The following FKBP5 variants were observed in gnomAD, a reference collection of about 807,000 sequenced individuals.
FKBP5 encodes FKBP prolyl isomerase 5, also known as peptidyl-prolyl cis-trans isomerase FKBP5.
A neutral mutation model predicts 50.5 loss-of-function variants in FKBP5; 23 were observed. The observed-to-expected ratio is 0.46, with a 90% confidence interval of 0.33 to 0.65. The LOEUF (loss-of-function observed/expected upper bound fraction) is 0.65, where lower values mean the gene tolerates loss of function less well. FKBP5 is among the 30% of genes least tolerant of loss of function. The pLI is 0.02. For synonymous variants in FKBP5, 176 were observed against 190.6 expected (o/e 0.92, Z 0.63); for missense variants, 411 against 553.1 (o/e 0.74, Z 2.58).
chr6:35,576,007 C>T, intron 10 of FKBP5, 65 bp from the exon 11 acceptor site: 1 of 1,130,948 alleles, frequency 8.8e-7, no homozygotes, highest in South Asian at 1.2e-5. Flanking sequence ...CCTGGCTCCT[C>T]CAGACTGTGT....
Position 35,591,235 on chromosome 6 carries a change from A to G in FKBP5, c.666-15T>C, listed in dbSNP as rs779267263. 1 of 1,562,218 alleles carries G rather than the reference A, an allele frequency of 6.4e-7. No homozygotes were observed. The highest frequency in any genetic ancestry group is 1.1e-5 in the South Asian group (1 of 88,446). The stretch of plus-strand genomic sequence containing the variant: ...CAAAACCATATCTGAAATGGAGAGT[A>G]AAAAATAAAACTTTAAAAGGATTGG... On this transcript the variant is annotated splice_polypyrimidine_tract_variant and intron_variant, in intron 6 of 10. Transcript: ENST00000357266.
intron 3 of FKBP5, 146 bp downstream of exon 3, chr6:35,636,868 A>G (rs7746850): frequency 0.84 from 491,571 of 588,278 alleles, 205,955 homozygotes; most frequent in African/African-American, 0.9. Flanking sequence ...AAGATCTCAG[A>G]GAGCCCTAGG....
chr6:35,623,307 C>T (rs189182003), intron 3 of FKBP5, among the ~76,000 whole-genome samples: 7 of 152,294 alleles, frequency 4.6e-5, no homozygotes, highest in African/African-American at 1.7e-4. Flanking sequence ...CGGTGCCCGG[C>T]ACATAATATG....
intron 4 of FKBP5, 138 bp downstream of exon 4, chr6:35,619,994 A>G: frequency 9.3e-7 from 1 of 1,069,776 alleles, no homozygotes. Context: ...AAACAATTCA[A>G]GAAGCCATGC....
At chr6:35,668,393 C>T (rs577244308) in intron 1 of FKBP5, among the ~76,000 whole-genome samples, 6 of 152,352 alleles carry the variant, frequency 3.9e-5, no homozygotes, top group Admixed American at 3.9e-4. Flanking sequence ...GGGGTAAACA[C>T]ACAACCCTAA....
chr6:35,583,806 T>C (rs1283686219), intron 8 of FKBP5: 5 of 985,332 alleles, frequency 5.1e-6, no homozygotes, highest in Non-Finnish European at 6.0e-6. Context: ...TGGACTCTTC[T>C]TAGGAATTTT....
chr6:35,697,641 A>G (rs1766107760), intron 2 of FKBP5, among the ~76,000 whole-genome samples: 1 of 152,216 alleles, frequency 6.6e-6, no homozygotes, highest in Non-Finnish European at 1.5e-5. Flanking sequence ...GTCATAAAAT[A>G]TCTCATATTA....
Position 35,619,058 on chromosome 6 carries a change from A to G in FKBP5, c.508+38T>C, listed in dbSNP as rs757294010. The stretch of plus-strand genomic sequence containing the variant: ...CCATTTCGTCCACATAAATGGCCCA[A>G]CTTTTAAGGACTAGTTCCCTCTTAC... On this transcript the variant is annotated intron_variant, in intron 5 of 10. Transcript: ENST00000357266. 6.4e-6 allele frequency: 9 copies of G among 1,415,990 alleles called. No homozygotes were observed. In the East Asian group the frequency reaches 1.6e-4, roughly 25 times the overall value. The allele number at this position is 1,415,990 out of a possible 1,614,324, so 87.7% of individuals were successfully genotyped here. A position where few individuals can be genotyped will look rare whatever the true frequency, so the allele number is the denominator to read the frequency against.
At chr6:35,626,504 A>G (rs1241845442) in intron 3 of FKBP5, among the ~76,000 whole-genome samples, 2 of 151,838 alleles carry the variant, frequency 1.3e-5, no homozygotes, top group African/African-American at 2.4e-5. Context: ...GTGGGGGGAT[A>G]AAAAAAAGCA....
intron 6 of FKBP5, among the ~76,000 whole-genome samples, chr6:35,592,844 T>C (rs909766097): frequency 1.4e-4 from 21 of 152,046 alleles, no homozygotes; most frequent in African/African-American, 4.8e-4. Flanking sequence ...CTGCTGGATA[T>C]TCTACAATGC....
At chr6:35,643,931 A>AAAGTGC (rs1385930295) in intron 1 of FKBP5, among the ~76,000 whole-genome samples, 55 of 152,308 alleles carry the variant, frequency 3.6e-4, no homozygotes, top group African/African-American at 1.3e-3. Context: ...GGTAAGACAA[A>AAAGTGC]AAGTGCAAGG....
At chr6:35,663,914 T>C (rs990540088) in intron 1 of FKBP5, among the ~76,000 whole-genome samples, 11 of 152,306 alleles carry the variant, frequency 7.2e-5, no homozygotes, top group Admixed American at 5.2e-4. Flanking sequence ...CCGTGTGACA[T>C]TGAGATTGTT....
chr6:35,588,994 C>T (rs1762707613), intron 7 of FKBP5, among the ~76,000 whole-genome samples: 2 of 149,570 alleles, frequency 1.3e-5, no homozygotes, highest in Admixed American at 6.7e-5. Flanking sequence ...CCTGCCTTGG[C>T]CTCCCAAAGT....
At chr6:35,702,598 G>A (rs561833477) in intron 2 of FKBP5, among the ~76,000 whole-genome samples, 22 of 151,884 alleles carry the variant, frequency 1.4e-4, no homozygotes, top group African/African-American at 3.9e-4. Context: ...GACTACAGGC[G>A]CCCGCCACCA....
intron 7 of FKBP5, among the ~76,000 whole-genome samples, chr6:35,590,658 C>A (rs972925623): frequency 1.3e-5 from 2 of 151,964 alleles, no homozygotes; most frequent in Non-Finnish European, 2.9e-5. Flanking sequence ...GCCTAGTGGC[C>A]CTCGAGGACT....
At chr6:35,621,049 G>A (rs1181535292) in intron 3 of FKBP5, among the ~76,000 whole-genome samples, 5 of 152,118 alleles carry the variant, frequency 3.3e-5, no homozygotes, top group Admixed American at 1.3e-4. Flanking sequence ...AAGGGTCCAT[G>A]AAACACATTT....
chr6:35,636,622 C>T (rs2150986440), intron 3 of FKBP5, among the ~76,000 whole-genome samples: 1 of 152,272 alleles, frequency 6.6e-6, no homozygotes, highest in African/African-American at 2.4e-5. Context: ...TTTATCAGGA[C>T]ATTTTTACGT....
intron 7 of FKBP5, among the ~76,000 whole-genome samples, chr6:35,589,104 ATATTTTTATATATATATATATATAT>A (rs1340355139): frequency 2.4e-5 from 3 of 126,794 alleles, no homozygotes; most frequent in Non-Finnish European, 4.8e-5. Flanking sequence ...ATATATATAT[ATATTTTTATATATATATATATATAT>A]TTTTTTTTTT....
chr6:35,620,037 T>C (rs947768414), intron 4 of FKBP5, 95 bp downstream of exon 4: 1 of 1,450,106 alleles, frequency 6.9e-7, no homozygotes, highest in East Asian at 2.3e-5. Flanking sequence ...TGATTCTCTA[T>C]AGCAAGCTTA....
Sources: gnomAD v4.1 joint callset for allele counts (sites outside exome capture counted in the v4.1 genomes callset) on GRCh38, gnomAD v4.1.1 for gene constraint, MANE v1.5 for transcripts, NCBI Gene and HGNC (gene_info 2026-07-23, HGNC 2026-07-21) for gene names.